BMPER: variants seen among roughly 807,000 people sequenced by gnomAD.
The protein encoded by BMPER is BMP-binding endothelial regulator protein.
In BMPER, 45 loss-of-function variants were observed where a neutral mutation model predicts 87.3. That is an observed-to-expected ratio of 0.52 (90% CI 0.41 to 0.66). The LOEUF (loss-of-function observed/expected upper bound fraction) is 0.66, where lower values mean the gene tolerates loss of function less well. Ranked by LOEUF, BMPER falls within the 30% of genes least tolerant of loss-of-function variation. The pLI is 0.00. For synonymous variants in BMPER, 326 were observed against 316.2 expected (o/e 1.03, Z -0.33); for missense variants, 784 against 867.5 (o/e 0.90, Z 1.21).
intron 6 of BMPER, among the ~76,000 whole-genome samples, chr7:34,035,393 AG>A (rs1464339010): frequency 6.6e-6 from 1 of 152,230 alleles, no homozygotes; most frequent in African/African-American, 2.4e-5. Flanking sequence ...GTATATTGAA[AG>A]GGTGAACAAA....
intron 7 of BMPER, among the ~76,000 whole-genome samples, chr7:34,050,514 C>A (rs574300166): frequency 6.6e-6 from 1 of 152,126 alleles, no homozygotes; most frequent in Admixed American, 6.5e-5. Context: ...TTCTTGACTC[C>A]TACTAACAGT....
chr7:34,005,733 C>G (rs145113663), intron 6 of BMPER, among the ~76,000 whole-genome samples: 5 of 151,926 alleles, frequency 3.3e-5, no homozygotes, highest in Non-Finnish European at 7.4e-5. Flanking sequence ...TAATTGTTGA[C>G]AGAGTTCTTA....
intron 10 of BMPER, among the ~76,000 whole-genome samples, chr7:34,059,318 C>T (rs1053622721): frequency 5.3e-5 from 8 of 152,006 alleles, no homozygotes; most frequent in Non-Finnish European, 8.8e-5. Flanking sequence ...AGCAGGCCGC[C>T]GTGGAGTTTC....
Position 34,153,384 on chromosome 7 carries a change from C to A in BMPER, c.*111C>A, listed in dbSNP as rs905820805. 6.6e-6 allele frequency: 7 copies of A among 1,055,584 alleles called. No individual in the cohort carries two copies. Among genetic ancestry groups the A allele is most frequent in the Admixed American group, 3.8e-5 (2 of 52,968 alleles). The allele number at this position is 1,055,584 out of a possible 1,614,324, so 65.4% of individuals were successfully genotyped here. Reference sequence around the variant, plus strand: ...GCCCGATTCTGTAAACACACACACACAGAGTATATATGTGTATATATATAT... The same window carrying A: ...GCCCGATTCTGTAAACACACACACAAAGAGTATATATGTGTATATATATAT... On this transcript the variant is annotated 3_prime_UTR_variant, in exon 15 of 15. Coordinates refer to ENST00000649409, the MANE Select transcript of BMPER (RefSeq NM_001365308.1).
At chr7:34,049,487 G>A (rs748875109) in intron 7 of BMPER, among the ~76,000 whole-genome samples, 36 of 152,086 alleles carry the variant, frequency 2.4e-4, no homozygotes, top group Admixed American at 1.9e-3. Flanking sequence ...AATATTGCCC[G>A]CTATAATGGT....
At chr7:34,030,600 A>G (rs974900111) in intron 6 of BMPER, among the ~76,000 whole-genome samples, 4 of 151,998 alleles carry the variant, frequency 2.6e-5, no homozygotes, top group Non-Finnish European at 2.9e-5. Context: ...AAGATGCTGC[A>G]GGAGATTATT....
intron 11 of BMPER, among the ~76,000 whole-genome samples, chr7:34,078,324 TGGC>T (rs1788918999): frequency 6.6e-6 from 1 of 152,216 alleles, no homozygotes; most frequent in African/African-American, 2.4e-5. Flanking sequence ...CGTGTCTGTT[TGGC>T]AGTTCTATTG....
rs550257930 is a variant in BMPER at position 33,955,806 on chromosome 7, A to T, written c.320-10673A>T. ...TACAGTGAGAGGAATCAGTCTACCC[A>T]ATTTCAAAGCGTGTAGTACAGCTAC... On this transcript the variant is annotated intron_variant, in intron 3 of 14. Coordinates refer to ENST00000649409, the MANE Select transcript of BMPER (RefSeq NM_001365308.1). Among the ~76,000 whole-genome samples the T allele has an allele frequency of 4.3e-4, 65 of 152,328 alleles. 1 individual carries two copies. The highest frequency in any genetic ancestry group is 1.6e-3 in the African/African-American group (65 of 41,588).
intron 10 of BMPER, among the ~76,000 whole-genome samples, chr7:34,059,502 G>A (rs1193828866): frequency 6.6e-6 from 1 of 151,804 alleles, no homozygotes; most frequent in African/African-American, 2.4e-5. Context: ...CCAAGCAGAG[G>A]CCTTTCCCTG....
At chr7:33,952,769 A>G (rs986058477) in intron 3 of BMPER, among the ~76,000 whole-genome samples, 2 of 152,050 alleles carry the variant, frequency 1.3e-5, no homozygotes, top group Non-Finnish European at 2.9e-5. Flanking sequence ...TGATTCCTTT[A>G]TTTTCTTTTT....
intron 13 of BMPER, among the ~76,000 whole-genome samples, chr7:34,103,760 T>C (rs1789746857): frequency 6.6e-6 from 1 of 152,190 alleles, no homozygotes; most frequent in Non-Finnish European, 1.5e-5. Context: ...GTTTACAGGT[T>C]TGAAGAGCTG....
chr7:33,981,254 A>G (rs909121085), intron 6 of BMPER, among the ~76,000 whole-genome samples: 1 of 152,130 alleles, frequency 6.6e-6, no homozygotes, highest in Non-Finnish European at 1.5e-5. Flanking sequence ...GTTCCACATG[A>G]TCCCAGAGGT....
rs577618189 is a variant in BMPER, at chr7:34,137,623, TG to T, written c.1746-5603del. Reference sequence around the variant, plus strand: ...CCCTATAGGGAGTGGCTAACTTTTTTGGGGCCACTTGGCAAGCACCACTGAG... The same window carrying T: ...CCCTATAGGGAGTGGCTAACTTTTTTGGGCCACTTGGCAAGCACCACTGAG... On this transcript the variant is annotated intron_variant, in intron 13 of 14. Transcript: ENST00000649409. Among the ~76,000 whole-genome samples, 590 of 152,326 alleles carry T rather than the reference TG, an allele frequency of 3.9e-3. 2 individuals carry two copies. The highest frequency in any genetic ancestry group is 0.014 in the African/African-American group (576 of 41,570).
At chr7:33,913,996 C>T (rs1784027857) in intron 2 of BMPER, among the ~76,000 whole-genome samples, 1 of 146,428 alleles carries the variant, frequency 6.8e-6, no homozygotes. Context: ...GAGTCTCGCT[C>T]AGTTGCCCAG....
chr7:34,045,557 A>G (rs1787939860), intron 6 of BMPER, among the ~76,000 whole-genome samples: 1 of 152,216 alleles, frequency 6.6e-6, no homozygotes, highest in Non-Finnish European at 1.5e-5. Context: ...CAGAGACTCC[A>G]TAACTTCTCC....
chr7:33,919,963 A>G (rs918893622), intron 2 of BMPER, among the ~76,000 whole-genome samples: 3 of 96,918 alleles, frequency 3.1e-5, no homozygotes, highest in Non-Finnish European at 6.6e-5. Flanking sequence ...ATATGTATTT[A>G]TATAACATTT....
At chr7:33,961,466 A>G (rs1472135997) in intron 3 of BMPER, among the ~76,000 whole-genome samples, 1 of 152,204 alleles carries the variant, frequency 6.6e-6, no homozygotes, top group Non-Finnish European at 1.5e-5. Flanking sequence ...GTGTAGGAAG[A>G]TGGCTTAAGA....
chr7:34,110,065 G>C (rs1161031814), intron 13 of BMPER, among the ~76,000 whole-genome samples: 1 of 152,192 alleles, frequency 6.6e-6, no homozygotes, highest in East Asian at 1.9e-4. Context: ...CTCCTGATGA[G>C]ATTTTGAAGC....
chr7:34,106,624 C>T (rs543687750), intron 13 of BMPER, among the ~76,000 whole-genome samples: 1 of 152,350 alleles, frequency 6.6e-6, no homozygotes, highest in Non-Finnish European at 1.5e-5. Flanking sequence ...CTCCCAACCT[C>T]TGCCTGGTGA....
Sources: gnomAD v4.1 joint callset for allele counts (sites outside exome capture counted in the v4.1 genomes callset) on GRCh38, gnomAD v4.1.1 for gene constraint, MANE v1.5 for transcripts, NCBI Gene and HGNC (gene_info 2026-07-23, HGNC 2026-07-21) for gene names.